Variants in SYNPR observed in about 807,000 individuals in gnomAD.
SYNPR encodes synaptoporin.
Under a neutral mutation model 32.9 loss-of-function variants are expected in SYNPR, and 23 were observed. That is an observed-to-expected ratio of 0.70 (90% CI 0.50 to 0.99). SYNPR has a LOEUF of 0.99. Ranked by LOEUF, SYNPR falls within the 50% of genes least tolerant of loss-of-function variation. SYNPR has a pLI of 0.00. For synonymous variants in SYNPR, 146 were observed against 135.9 expected (o/e 1.07, Z -0.52); for missense variants, 318 against 349.3 (o/e 0.91, Z 0.71).
Position 63,480,945 on chromosome 3 carries a change from C to T in SYNPR, c.198C>T (p.Ala66=). 1 of 1,612,336 alleles carries T rather than the reference C, an allele frequency of 6.2e-7. No individual in the cohort carries two copies. Among genetic ancestry groups the T allele is most frequent in the Non-Finnish European group, 8.5e-7 (1 of 1,178,830 alleles). Residue 66 remains alanine, a synonymous_variant, in exon 3 of 6, where the codon GCC becomes GCT. Transcript: ENST00000478300. The part of the protein sequence containing the change: ...ESNLSIDIAF[A]YPFRLHQVTF... Reference sequence around the variant, plus strand: ...ACCTCAGCATCGACATAGCGTTTGCCTACCCATTCAGGTAGGGAATGGTGG... The same window carrying T: ...ACCTCAGCATCGACATAGCGTTTGCTTACCCATTCAGGTAGGGAATGGTGG...
intron 2 of SYNPR, among the ~76,000 whole-genome samples, chr3:63,356,543 T>A (rs1316883874): frequency 2.6e-5 from 4 of 152,196 alleles, no homozygotes; most frequent in Non-Finnish European, 5.9e-5. Context: ...TTGCTCAAGG[T>A]CAGTCAGCAG....
At chr3:63,546,434 C>T (rs2106813318) in intron 3 of SYNPR, among the ~76,000 whole-genome samples, 1 of 150,104 alleles carries the variant, frequency 6.7e-6, no homozygotes, top group South Asian at 2.1e-4. Context: ...CCACAATACA[C>T]TTTCAATAAG....
intron 2 of SYNPR, among the ~76,000 whole-genome samples, chr3:63,476,295 G>GAGGGAAGCA (rs1553639796): frequency 0.038 from 2,929 of 76,184 alleles, 317 homozygotes; most frequent in Non-Finnish European, 0.05. Context: ...GAAGGGAAGG[G>GAGGGAAGCA]AGGGAAGGAA....
intron 4 of SYNPR, among the ~76,000 whole-genome samples, chr3:63,593,749 A>G (rs541008487): frequency 9.9e-5 from 15 of 152,284 alleles, no homozygotes; most frequent in African/African-American, 3.6e-4. Flanking sequence ...GAAGAACATC[A>G]GCATCCACTA....
In SYNPR at chr3:63,340,710, C is replaced by T. The variant is rs371537300; in HGVS notation, c.84+61968C>T. Among the ~76,000 whole-genome samples the T allele has an allele frequency of 2.5e-3, 384 of 152,256 alleles. 5 individuals are homozygous for T. The highest frequency in any genetic ancestry group is 0.01 in the Middle Eastern group (3 of 294). Reference sequence around the variant, plus strand: ...CTGGGATTACAGGCGTGAGCCACCGCGCCCGGCCAATGTACTTTATTTTTT... The same window carrying T: ...CTGGGATTACAGGCGTGAGCCACCGTGCCCGGCCAATGTACTTTATTTTTT... On this transcript the variant is annotated intron_variant, in intron 2 of 5. Coordinates refer to ENST00000478300, the MANE Select transcript of SYNPR (RefSeq NM_001130003.2).
intron 3 of SYNPR, among the ~76,000 whole-genome samples, chr3:63,528,413 C>T (rs1702054608): frequency 2.0e-5 from 3 of 152,002 alleles, no homozygotes. Flanking sequence ...CCATGAAACC[C>T]TTTTTTGATG....
At chr3:63,571,767 G>A (rs1225916810) in intron 4 of SYNPR, among the ~76,000 whole-genome samples, 2 of 152,104 alleles carry the variant, frequency 1.3e-5, no homozygotes, top group Non-Finnish European at 2.9e-5. Context: ...AAGGTGCTTA[G>A]TGTTAAGTAA....
At chr3:63,454,163 TTAGA>T (rs1050834253) in intron 2 of SYNPR, among the ~76,000 whole-genome samples, 1 of 152,068 alleles carries the variant, frequency 6.6e-6, no homozygotes, top group Non-Finnish European at 1.5e-5. Flanking sequence ...ACAGAAAATG[TTAGA>T]TAGAATAAGA....
intron 3 of SYNPR, among the ~76,000 whole-genome samples, chr3:63,533,224 G>C (rs763524357): frequency 3.9e-5 from 6 of 152,140 alleles, no homozygotes; most frequent in Admixed American, 3.9e-4. Context: ...CTGAAGGATG[G>C]AAATGAAAGA....
chr3:63,428,793 T>C (rs1202962437), intron 2 of SYNPR, among the ~76,000 whole-genome samples: 1 of 152,188 alleles, frequency 6.6e-6, no homozygotes, highest in Non-Finnish European at 1.5e-5. Context: ...CTTGGAAAAG[T>C]TCCAGGAGAT....
At chr3:63,553,611 G>A (rs1702539986) in intron 3 of SYNPR, among the ~76,000 whole-genome samples, 1 of 152,182 alleles carries the variant, frequency 6.6e-6, no homozygotes, top group Non-Finnish European at 1.5e-5. Flanking sequence ...TAGCCACCCT[G>A]ACTGGTGTGA....
chr3:63,352,283 AAAAT>A, intron 2 of SYNPR, among the ~76,000 whole-genome samples: 2 of 152,104 alleles, frequency 1.3e-5, no homozygotes, highest in Admixed American at 1.3e-4. Flanking sequence ...AGGATTCTTG[AAAAT>A]CCTCTCACCC....
chr3:63,375,448 A>G, intron 2 of SYNPR, among the ~76,000 whole-genome samples: 1 of 152,104 alleles, frequency 6.6e-6, no homozygotes. Flanking sequence ...GGAAACCATC[A>G]TTCTCAGCAA....
rs115108926 is a variant in SYNPR, at chr3:63,383,657, T to A, written c.85-97175T>A. Among the ~76,000 whole-genome samples, 910 of 151,724 alleles carry A rather than the reference T, an allele frequency of 6.0e-3. 9 individuals are homozygous for A. The highest frequency in any genetic ancestry group is 0.021 in the African/African-American group (872 of 41,338). On this transcript the variant is annotated intron_variant, in intron 2 of 5. Transcript: ENST00000478300. ...AAGACTCTGTCTCCAAATAAATAAA[T>A]AAAAATAAAAGAGGCCAGGAGCTAC...
At chr3:63,286,305 G>C (rs940134129) in intron 2 of SYNPR, among the ~76,000 whole-genome samples, 1 of 151,898 alleles carries the variant, frequency 6.6e-6, no homozygotes, top group African/African-American at 2.4e-5. Context: ...GAGGTGTGAA[G>C]AGATACTTTT....
At chr3:63,410,011 C>T (rs1220075898) in intron 2 of SYNPR, among the ~76,000 whole-genome samples, 1 of 150,058 alleles carries the variant, frequency 6.7e-6, no homozygotes, top group East Asian at 1.9e-4. Context: ...GAGCAGAACC[C>T]CATCCATTCT....
At chr3:63,239,752 G>A (rs1163187809) in intron 1 of SYNPR, among the ~76,000 whole-genome samples, 1 of 150,446 alleles carries the variant, frequency 6.6e-6, no homozygotes, top group Non-Finnish European at 1.5e-5. Context: ...ATTGTCAAGT[G>A]TATCATACCC....
chr3:63,593,956 CAGA>C (rs1386983022), intron 4 of SYNPR, among the ~76,000 whole-genome samples: 1 of 152,080 alleles, frequency 6.6e-6, no homozygotes, highest in African/African-American at 2.4e-5. Flanking sequence ...AAAGTGTAAA[CAGA>C]CGACTTGGAA....
chr3:63,592,106 C>G (rs1017456964), intron 4 of SYNPR, among the ~76,000 whole-genome samples: 62 of 152,032 alleles, frequency 4.1e-4, no homozygotes, highest in African/African-American at 1.4e-3. Context: ...ATGATACACA[C>G]AGAAGGTGAC....
Sources: gnomAD v4.1 joint callset for allele counts (sites outside exome capture counted in the v4.1 genomes callset) on GRCh38, gnomAD v4.1.1 for gene constraint, MANE v1.5 for transcripts, NCBI Gene and HGNC (gene_info 2026-07-23, HGNC 2026-07-21) for gene names.